The following ZNF536 variants were observed in gnomAD, a reference collection of about 807,000 sequenced individuals.
The protein encoded by ZNF536 is zinc finger protein 536.
ZNF536 carries 13 observed loss-of-function variants against 84.5 expected under a neutral mutation model. The observed-to-expected ratio is 0.15, with a 90% CI of 0.10 to 0.24. ZNF536 has a LOEUF of 0.24. Among genes scored for constraint, ZNF536 ranks in the 10% least tolerant of loss-of-function variants. ZNF536 has a pLI of 1.00. For missense variants in ZNF536, 1,536 were observed against 1,747.5 expected (o/e 0.88, Z 2.16); for synonymous variants, 811 against 742.5 (o/e 1.09, Z -1.50).
chr19:30,420,682 AG>A (rs1181815637), intron 1 of ZNF536, among the ~76,000 whole-genome samples: 1 of 151,816 alleles, frequency 6.6e-6, no homozygotes, highest in African/African-American at 2.4e-5. Flanking sequence ...TTGCCCTCTG[AG>A]GAAAAAAAAA....
chr19:30,328,436 T>C (rs1202296694), intron 2 of ZNF536, among the ~76,000 whole-genome samples: 3 of 152,202 alleles, frequency 2.0e-5, no homozygotes. Context: ...TAACCTGCTC[T>C]TGGGGCTCTC....
At chr19:30,389,385 C>T (rs2147309086) in intron 1 of ZNF536, among the ~76,000 whole-genome samples, 1 of 152,238 alleles carries the variant, frequency 6.6e-6, no homozygotes, top group East Asian at 1.9e-4. Context: ...TGGGACCTTG[C>T]CTCTCCTCTA....
chr19:30,226,986 C>CA (rs373104006), upstream of ZNF536, among the ~76,000 whole-genome samples: 5,199 of 142,572 alleles, frequency 0.036, 134 homozygotes, highest in African/African-American at 0.067. This position sits in a 1 kb window ranked among gnomAD's most constrained non-coding sequence, Gnocchi z 4.6. Context: ...GTATTTTAGG[C>CA]AAAAAAAAAA....
chr19:30,373,099 G>C (rs567448613), intron 1 of ZNF536, among the ~76,000 whole-genome samples: 3 of 152,204 alleles, frequency 2.0e-5, no homozygotes, highest in African/African-American at 7.2e-5. Flanking sequence ...GCTTTTTGAC[G>C]TTAGAGAAAT....
rs1026145569 is a variant in ZNF536 at position 30,667,063 on chromosome 19, A to G, written c.170-43694A>G. The stretch of plus-strand genomic sequence containing the variant: ...TTGGTGTAAGCTCTTGCCCTACCCA[A>G]TTTTCCCAGGAATGCAAACTGTGCT... On this transcript the variant is annotated intron_variant, in intron 1 of 1. Transcript: ENST00000592773. Among the ~76,000 whole-genome samples, 3 of 151,894 alleles carry G rather than the reference A, an allele frequency of 2.0e-5. No homozygotes were observed. The East Asian group carries it at 5.8e-4, about 30-fold the overall frequency.
intron 1 of ZNF536, among the ~76,000 whole-genome samples, chr19:30,406,769 G>C (rs544930792): frequency 1.3e-5 from 2 of 152,270 alleles, no homozygotes; most frequent in South Asian, 2.1e-4. Context: ...TTTCTGTAGC[G>C]GGTGTGCTCC....
intron 1 of ZNF536, among the ~76,000 whole-genome samples, chr19:30,243,233 A>G (rs2024059617): frequency 6.6e-6 from 1 of 152,172 alleles, no homozygotes; most frequent in African/African-American, 2.4e-5. Context: ...TTATCTGTTC[A>G]ACTCTGTGAA....
chr19:30,536,037 C>T (rs1332891077), intron 3 of ZNF536, among the ~76,000 whole-genome samples: 1 of 152,084 alleles, frequency 6.6e-6, no homozygotes, highest in African/African-American at 2.4e-5. Context: ...GGCCATGGGC[C>T]GAGTCACCAG....
intron 1 of ZNF536, among the ~76,000 whole-genome samples, chr19:30,660,421 T>C (rs888579600): frequency 1.7e-4 from 26 of 152,198 alleles, no homozygotes; most frequent in African/African-American, 6.0e-4. Context: ...CACCCTGTCA[T>C]CTCTTTGGCA....
chr19:30,519,743 C>CCATT (rs371236458), intron 2 of ZNF536, among the ~76,000 whole-genome samples: 39 of 152,254 alleles, frequency 2.6e-4, no homozygotes, highest in South Asian at 1.5e-3. Context: ...CTCCCCAACA[C>CCATT]CATTCATTCA....
At chr19:30,242,974 G>C (rs2024038127) in intron 1 of ZNF536, among the ~76,000 whole-genome samples, 1 of 151,924 alleles carries the variant, frequency 6.6e-6, no homozygotes, top group Non-Finnish European at 1.5e-5. Flanking sequence ...AAAGAGTCCT[G>C]CATACATATC....
At chr19:30,609,697 T>A (rs1208249209) in intron 1 of ZNF536, among the ~76,000 whole-genome samples, 1 of 152,188 alleles carries the variant, frequency 6.6e-6, no homozygotes, top group African/African-American at 2.4e-5. Context: ...CTTCAAGACA[T>A]TTGTTTATTC....
At chr19:30,440,253 G>A (rs1242532586) in intron 1 of ZNF536, among the ~76,000 whole-genome samples, 1 of 151,968 alleles carries the variant, frequency 6.6e-6, no homozygotes, top group African/African-American at 2.4e-5. Context: ...AAGCCACCAT[G>A]GCCGGCCAGA....
intron 1 of ZNF536, among the ~76,000 whole-genome samples, chr19:30,684,676 G>A (rs778117671): frequency 1.1e-4 from 17 of 152,126 alleles, no homozygotes; most frequent in Middle Eastern, 3.2e-3. Flanking sequence ...CTTATCCACC[G>A]ATGGCTTGGT....
chr19:30,445,279 G>A lies in ZNF536; in HGVS notation c.1717G>A (p.Gly573Ser), dbSNP rs771494276. The change falls in exon 2 of 5, where the codon GGC becomes AGC. Residue 573 changes from glycine to serine, a missense_variant. This residue lies in a region of ZNF536 where 366 missense variants were observed against 364.4 expected (regional missense o/e 1.00). Transcript: ENST00000355537. This position sits in a 1 kb window ranked among gnomAD's most constrained non-coding sequence, Gnocchi z 4.5. ...GGAGTACGTGTTAGTGGGAGCAGATGGCTCCAAGCAGAAAATGCCTGCTGA... is the reference window on the plus strand; with the variant it reads ...GGAGTACGTGTTAGTGGGAGCAGATAGCTCCAAGCAGAAAATGCCTGCTGA... ...KREYVLVGAD[G>S]SKQKMPADLV... 1 of 1,614,200 alleles carries A rather than the reference G, an allele frequency of 6.2e-7. No homozygotes were observed.
chr19:30,687,104 G>T (rs1452244960), intron 1 of ZNF536, among the ~76,000 whole-genome samples: 1 of 152,188 alleles, frequency 6.6e-6, no homozygotes, highest in African/African-American at 2.4e-5. Context: ...TACAGACAGA[G>T]TTGTGTATTC....
intron 3 of ZNF536, among the ~76,000 whole-genome samples, chr19:30,360,411 C>T (rs2048237274): frequency 6.6e-6 from 1 of 152,204 alleles, no homozygotes; most frequent in Non-Finnish European, 1.5e-5. Context: ...TGCAGAACGC[C>T]TGCATAAGTA....
chr19:30,297,537 C>A (rs1305109180), intron 2 of ZNF536, among the ~76,000 whole-genome samples: 2 of 152,206 alleles, frequency 1.3e-5, no homozygotes, highest in Non-Finnish European at 2.9e-5. Flanking sequence ...CCAGCAGAGA[C>A]ACAGGTGTCA....
At chr19:30,454,779 T>A (rs2052761285) in intron 2 of ZNF536, among the ~76,000 whole-genome samples, 1 of 152,174 alleles carries the variant, frequency 6.6e-6, no homozygotes, top group Non-Finnish European at 1.5e-5. Flanking sequence ...ACTCCTGTAA[T>A]CCCAGCACTT....
Sources: gnomAD v4.1 joint callset for allele counts (sites outside exome capture counted in the v4.1 genomes callset) on GRCh38, gnomAD v4.1.1 for gene constraint, gnomAD v4.1.1 regional missense constraint, Gnocchi (gnomAD v3.1) non-coding constraint, MANE v1.5 for transcripts, NCBI Gene and HGNC (gene_info 2026-07-23, HGNC 2026-07-21) for gene names.